The following PCBP3 variants were observed in gnomAD, a reference collection of about 807,000 sequenced individuals.
PCBP3 encodes the protein poly(rC)-binding protein 3.
In PCBP3, 25 loss-of-function variants were observed where a neutral mutation model predicts 52.7. The ratio of observed to expected loss-of-function variants is 0.47; its 90% CI spans 0.35 to 0.66. PCBP3 has a LOEUF of 0.66. PCBP3 is among the 30% of genes least tolerant of loss of function. The probability of loss-of-function intolerance (pLI) is 0.01; values close to 1 mark genes in which losing one functional copy is unlikely to be tolerated. For synonymous variants in PCBP3, 162 were observed against 183.0 expected (o/e 0.89, Z 0.93); for missense variants, 391 against 490.3 (o/e 0.80, Z 1.91).
At chr21:45,721,627 T>C (rs538917501) in intron 2 of PCBP3, among the ~76,000 whole-genome samples, 2 of 152,320 alleles carry the variant, frequency 1.3e-5, no homozygotes, top group South Asian at 2.1e-4. Context: ...GAATTTCTTA[T>C]CTAAATGTAT....
intron 17 of PCBP3, among the ~76,000 whole-genome samples, chr21:45,940,683 C>A (rs973347059): frequency 1.3e-5 from 2 of 152,084 alleles, no homozygotes; most frequent in Non-Finnish European, 2.9e-5. Flanking sequence ...CACCTGGGTC[C>A]CTGTGACTGC....
At chr21:45,816,808 C>A (rs1350085065) in intron 4 of PCBP3, among the ~76,000 whole-genome samples, 2 of 150,606 alleles carry the variant, frequency 1.3e-5, no homozygotes, top group Non-Finnish European at 3.0e-5. Context: ...ATAGTAAATA[C>A]ACAAACCAGT....
At chr21:45,832,198 T>C (rs138861562) in intron 4 of PCBP3, among the ~76,000 whole-genome samples, 6 of 152,330 alleles carry the variant, frequency 3.9e-5, no homozygotes, top group African/African-American at 7.2e-5. Flanking sequence ...CACCATACGG[T>C]AACTTCCTGA....
At chr21:45,874,505 C>CTTTTTTTTTTT (rs551716964) in intron 5 of PCBP3, among the ~76,000 whole-genome samples, 4 of 134,014 alleles carry the variant, frequency 3.0e-5, no homozygotes, top group Admixed American at 7.5e-5. Flanking sequence ...TTCTTCTTTT[C>CTTTTTTTTTTT]TTTTTTTTTT....
At chr21:45,857,862 C>T (rs1479356394) in intron 5 of PCBP3, among the ~76,000 whole-genome samples, 1 of 152,220 alleles carries the variant, frequency 6.6e-6, no homozygotes, top group African/African-American at 2.4e-5. Context: ...ACCCATGAGC[C>T]CTGGATGGGA....
At chr21:45,734,875 A>G (rs1236961924) in intron 2 of PCBP3, among the ~76,000 whole-genome samples, 1 of 152,188 alleles carries the variant, frequency 6.6e-6, no homozygotes, top group Non-Finnish European at 1.5e-5. Flanking sequence ...TTTGGACATC[A>G]CTGGACAGAG....
intron 4 of PCBP3, among the ~76,000 whole-genome samples, chr21:45,838,672 GTAAATATA>G (rs1454498465): frequency 6.6e-6 from 1 of 151,978 alleles, no homozygotes; most frequent in African/African-American, 2.4e-5. Context: ...TTTAGCCTAA[GTAAATATA>G]TAACAGGTTT....
At position 45,928,536 on chromosome 21, in the gene PCBP3, T is replaced by A. The variant is rs2075778264; in HGVS notation, c.718-1381T>A. ...CAGGAGCACACAGCTGGGAAGGCGC[T>A]GGGACCACAGTCGCCGCATTCCTGA... On this transcript the variant is annotated intron_variant, in intron 13 of 17. Coordinates refer to ENST00000681687, the MANE Select transcript of PCBP3 (RefSeq NM_001384156.1). This position sits in a 1 kb window ranked among gnomAD's most constrained non-coding sequence, Gnocchi z 4.1. Among the ~76,000 whole-genome samples the A allele has an allele frequency of 6.6e-6, 1 of 152,188 alleles. No homozygotes were observed. Among genetic ancestry groups the A allele is most frequent in the Non-Finnish European group, 1.5e-5 (1 of 68,024 alleles).
At chr21:45,901,356 A>C in intron 9 of PCBP3, 2 of 451,996 alleles carry the variant, frequency 4.4e-6, no homozygotes, top group South Asian at 2.2e-5. Context: ...CCTTAGGTCC[A>C]CCTCCCTCAG....
At chr21:45,828,425 G>A (rs1027395949) in intron 4 of PCBP3, 1 of 152,160 alleles carries the variant, frequency 6.6e-6, no homozygotes, top group African/African-American at 2.4e-5. Context: ...GCTGCCCACT[G>A]CCCTCCCACC....
intron 2 of PCBP3, among the ~76,000 whole-genome samples, chr21:45,685,220 G>A (rs184098087): frequency 2.0e-5 from 3 of 152,260 alleles, no homozygotes; most frequent in Admixed American, 2.0e-4. Context: ...AATAACATGG[G>A]GAATGGGTTT....
chr21:45,825,533 G>C lies in PCBP3; in HGVS notation c.-125-24428G>C, dbSNP rs574846716. On this transcript the variant is annotated intron_variant, in intron 4 of 17. Transcript: ENST00000681687. The stretch of plus-strand genomic sequence containing the variant: ...TGGGAGGGGTCTGCCACTCCTGGCG[G>C]CTCAACAGGCTCCTCCCTCCCAGTT... Among the ~76,000 whole-genome samples, 3 of 152,314 alleles carry C rather than the reference G, an allele frequency of 2.0e-5. No individual in the cohort carries two copies. The East Asian group carries it at 5.8e-4, about 29-fold the overall frequency.
chr21:45,891,136 C>T (rs560671018), intron 5 of PCBP3, among the ~76,000 whole-genome samples: 28 of 152,144 alleles, frequency 1.8e-4, no homozygotes, highest in Non-Finnish European at 7.3e-5. Context: ...GAACCTGGAA[C>T]TCTGTGCACT....
At chr21:45,646,752 G>T (rs2079338087) in intron 1 of PCBP3, among the ~76,000 whole-genome samples, 1 of 152,214 alleles carries the variant, frequency 6.6e-6, no homozygotes, top group African/African-American at 2.4e-5. Flanking sequence ...TCTAATCATA[G>T]CACCTTTATT....
At chr21:45,686,160 C>G (rs745307413) in intron 2 of PCBP3, among the ~76,000 whole-genome samples, 1 of 152,080 alleles carries the variant, frequency 6.6e-6, no homozygotes, top group African/African-American at 2.4e-5. Flanking sequence ...TCAAGTGATT[C>G]GCCTGCCTTG....
intron 3 of PCBP3, among the ~76,000 whole-genome samples, chr21:45,745,880 A>G (rs1292800894): frequency 6.6e-6 from 1 of 152,278 alleles, no homozygotes; most frequent in African/African-American, 2.4e-5. Flanking sequence ...CATCGTGTGA[A>G]GGCAGACAGC....
intron 7 of PCBP3, 29 bp downstream of exon 7, chr21:45,899,651 C>G (rs764609242): frequency 1.9e-6 from 3 of 1,578,860 alleles, no homozygotes; most frequent in Non-Finnish European, 2.6e-6. Context: ...TCTGCCTCTC[C>G]TGGGGTCTCT....
At position 45,878,095 on chromosome 21, in the gene PCBP3, C is replaced by T. The variant is rs144958991; in HGVS notation, c.11-18113C>T. On this transcript the variant is annotated intron_variant, in intron 5 of 17. Transcript: ENST00000681687. ...TGGAGAGGGAGCTCCTGCTGGTTGG[C>T]ATTTGCTCCACCTTCCAGTCTCTCC... is the stretch of plus-strand genomic sequence containing the variant. Among the ~76,000 whole-genome samples, 4 of 152,374 alleles carry T rather than the reference C, an allele frequency of 2.6e-5. No homozygotes were observed. In the East Asian group the frequency reaches 7.7e-4, roughly 29 times the overall value.
intron 2 of PCBP3, chr21:45,728,780 A>G (rs1689835801): frequency 6.6e-6 from 1 of 152,120 alleles, no homozygotes; most frequent in African/African-American, 2.4e-5. Flanking sequence ...ATTCTCCTTA[A>G]GTGAGTTTTG....
Sources: gnomAD v4.1 joint callset for allele counts (sites outside exome capture counted in the v4.1 genomes callset) on GRCh38, gnomAD v4.1.1 for gene constraint, Gnocchi (gnomAD v3.1) non-coding constraint, MANE v1.5 for transcripts, NCBI Gene and HGNC (gene_info 2026-07-23, HGNC 2026-07-21) for gene names.